The following GRM4 variants were observed in gnomAD, a reference collection of about 807,000 sequenced individuals.
The protein encoded by GRM4 is glutamate metabotropic receptor 4.
A neutral mutation model predicts 81.7 loss-of-function variants in GRM4; 28 were observed. That is an observed-to-expected ratio of 0.34 (90% confidence interval 0.25 to 0.47). The LOEUF is 0.47. GRM4 is among the 20% of genes least tolerant of loss of function. GRM4 has a pLI of 1.00. For missense variants in GRM4, 948 were observed against 1,290.0 expected (o/e 0.73, Z 4.06); for synonymous variants, 488 against 528.8 (o/e 0.92, Z 1.06).
chr6:34,070,796 A>ACC lies in GRM4; in HGVS notation c.737-8769_737-8768insGG, dbSNP rs1414963298. Among the ~76,000 whole-genome samples the ACC allele has an allele frequency of 1.2e-4, 14 of 115,070 alleles. No individual in the cohort carries two copies. Among genetic ancestry groups the ACC allele is most frequent in the Admixed American group, 1.1e-3 (14 of 12,202 alleles). 75.5% of individuals were successfully genotyped at this position (115,070 alleles called of 152,430 possible). On this transcript the variant is annotated intron_variant, in intron 3 of 10. Coordinates refer to ENST00000538487, the MANE Select transcript of GRM4 (RefSeq NM_000841.4). This position sits in a 1 kb window ranked among gnomAD's most constrained non-coding sequence, Gnocchi z 4.6. ...ACACCCCCGCCACACCCCCAGCCAC[A>ACC]CACACACACACACACACACACACGG...
chr6:34,139,519 C>T (rs886127726), intron 1 of GRM4, among the ~76,000 whole-genome samples: 1 of 152,180 alleles, frequency 6.6e-6, no homozygotes, highest in Non-Finnish European at 1.5e-5. Context: ...GGAAGCCTGC[C>T]CTGATTATTA....
chr6:34,047,006 C>T lies in GRM4; in HGVS notation c.1169-6258G>A, dbSNP rs746055602. On this transcript the variant is annotated intron_variant, in intron 6 of 10. Coordinates refer to ENST00000538487, the MANE Select transcript of GRM4 (RefSeq NM_000841.4). The surrounding 1 kb of genome is among the most constrained non-coding windows in gnomAD (Gnocchi z 4.5). ...ACCAAACAAACACACATGGCTCTGA[C>T]TCTTGGCTGGGCCATGGCCCAGCTA... is the stretch of plus-strand genomic sequence containing the variant. 3.9e-5 allele frequency among the ~76,000 whole-genome samples: 6 copies of T among 152,096 alleles called. No individual in the cohort carries two copies. Among genetic ancestry groups the T allele is most frequent in the African/African-American group, 9.7e-5 (4 of 41,394 alleles).
rs1770582030 is a variant in GRM4, at chr6:34,139,201, C to T, written c.-363-5342G>A. 2.0e-5 allele frequency among the ~76,000 whole-genome samples: 3 copies of T among 152,316 alleles called. No individual in the cohort carries two copies. The South Asian group carries it at 6.2e-4, about 32-fold the overall frequency. Reference sequence around the variant, plus strand: ...CCTCGACCAGGAAGCCTCCTGATGTCAGAAATCCCAGACCCCAATCCACAA... The same window carrying T: ...CCTCGACCAGGAAGCCTCCTGATGTTAGAAATCCCAGACCCCAATCCACAA... On this transcript the variant is annotated intron_variant, in intron 1 of 10. Coordinates refer to ENST00000538487, the MANE Select transcript of GRM4 (RefSeq NM_000841.4).
intron 6 of GRM4, among the ~76,000 whole-genome samples, chr6:34,044,671 G>GACACACAC (rs555808028): frequency 1.4e-5 from 1 of 72,332 alleles, no homozygotes; most frequent in African/African-American, 5.7e-5. Flanking sequence ...TATATACACA[G>GACACACAC]ACACACACAC....
At chr6:34,073,676 TCA>T (rs1767156446) in intron 3 of GRM4, among the ~76,000 whole-genome samples, 2 of 151,126 alleles carry the variant, frequency 1.3e-5, no homozygotes, top group Non-Finnish European at 3.0e-5. Flanking sequence ...CTGGTGGCTC[TCA>T]CACAGTCACC....
chr6:34,045,136 G>A (rs2127451470), intron 6 of GRM4, among the ~76,000 whole-genome samples: 1 of 152,208 alleles, frequency 6.6e-6, no homozygotes, highest in South Asian at 2.1e-4. Flanking sequence ...TCCCCTGGCG[G>A]GGTAGCGGGG....
intron 6 of GRM4, among the ~76,000 whole-genome samples, chr6:34,045,629 C>T (rs1243527507): frequency 6.6e-6 from 1 of 152,206 alleles, no homozygotes; most frequent in Non-Finnish European, 1.5e-5. Flanking sequence ...AGGCCCTGCC[C>T]CCATTGTCTG....
chr6:34,110,369 A>G (rs1211258747), intron 2 of GRM4, among the ~76,000 whole-genome samples: 1 of 149,846 alleles, frequency 6.7e-6, no homozygotes, highest in Non-Finnish European at 1.5e-5. Context: ...GTTGAAGGAA[A>G]GCCGTGGCCC....
intron 6 of GRM4, 149 bp downstream of exon 6, chr6:34,056,395 A>C: frequency 4.8e-5 from 29 of 603,456 alleles, no homozygotes; most frequent in East Asian, 6.5e-5. Flanking sequence ...CAGGCCTCCC[A>C]ACTCCACCCC....
rs1767454761 is a variant in GRM4, at chr6:34,078,978, C to T, written c.736+12905G>A. Among the ~76,000 whole-genome samples, 1 of 152,206 alleles carries T rather than the reference C, an allele frequency of 6.6e-6. No homozygotes were observed. Among genetic ancestry groups the T allele is most frequent in the African/African-American group, 2.4e-5 (1 of 41,456 alleles). On this transcript the variant is annotated intron_variant, in intron 3 of 10. Transcript: ENST00000538487. This position sits in a 1 kb window ranked among gnomAD's most constrained non-coding sequence, Gnocchi z 4.8. ...GAGAGGCCCAGGCGCACCCCCAGGT[C>T]TGAGGCCTCAGAGGCAGCCCCTCAC...
intron 10 of GRM4, among the ~76,000 whole-genome samples, chr6:34,027,779 C>T (rs1581581874): frequency 1.3e-5 from 2 of 152,208 alleles, no homozygotes; most frequent in African/African-American, 2.4e-5. Context: ...CCGGGGTCCC[C>T]GCTCACCCTC....
At position 34,115,154 on chromosome 6, in the gene GRM4, T is replaced by C. The variant is rs1050676903; in HGVS notation, c.519+17824A>G. Among the ~76,000 whole-genome samples the C allele has an allele frequency of 2.0e-5, 3 of 152,184 alleles. No homozygotes were observed. ...GTTGAGAGGTGGTCAGGGCCCTGCCTAAACGCCAACACGCTGCCTCTGGGC... is the reference window on the plus strand; with the variant it reads ...GTTGAGAGGTGGTCAGGGCCCTGCCCAAACGCCAACACGCTGCCTCTGGGC... On this transcript the variant is annotated intron_variant, in intron 2 of 10. Coordinates refer to ENST00000538487, the MANE Select transcript of GRM4 (RefSeq NM_000841.4). The surrounding 1 kb of genome is among the most constrained non-coding windows in gnomAD (Gnocchi z 4.1).
intron 9 of GRM4, 73 bp from the exon 10 acceptor site, chr6:34,028,439 C>G (rs2127436820): frequency 2.0e-6 from 3 of 1,501,998 alleles, no homozygotes; most frequent in African/African-American, 2.8e-5. Flanking sequence ...CAGTTCCCAC[C>G]CAGGGACCCA....
chr6:34,155,016 G>C, intron 1 of GRM4: 1 of 1,340,802 alleles, frequency 7.5e-7, no homozygotes, highest in Non-Finnish European at 1.0e-6. Flanking sequence ...GCCTCCCACA[G>C]TGCTGGGCAC....
intron 2 of GRM4, among the ~76,000 whole-genome samples, chr6:34,100,970 GC>G (rs1768804878): frequency 6.6e-6 from 1 of 152,208 alleles, no homozygotes; most frequent in African/African-American, 2.4e-5. Context: ...GCTATTTTAA[GC>G]CACGGAGCTT....
intron 9 of GRM4, among the ~76,000 whole-genome samples, chr6:34,030,334 G>A (rs1764351067): frequency 6.6e-6 from 1 of 152,206 alleles, no homozygotes; most frequent in Non-Finnish European, 1.5e-5. Flanking sequence ...GGAAATAGGG[G>A]TTGTGTCCCA....
chr6:34,072,120 CACAT>C (rs1766928773), intron 3 of GRM4, among the ~76,000 whole-genome samples: 3 of 152,108 alleles, frequency 2.0e-5, no homozygotes, highest in African/African-American at 7.2e-5. Context: ...ATACACACCA[CACAT>C]AGACACACAT....
At chr6:34,056,443 C>A (rs1037863943) in intron 6 of GRM4, 101 bp downstream of exon 6, 3 of 1,119,746 alleles carry the variant, frequency 2.7e-6, no homozygotes, top group South Asian at 1.5e-5. Flanking sequence ...CACGGCCGGC[C>A]GACGACAGAC....
chr6:34,040,020 G>A (rs373411535), intron 8 of GRM4, among the ~76,000 whole-genome samples, 158 bp downstream of exon 8: 18 of 152,332 alleles, frequency 1.2e-4, no homozygotes, highest in African/African-American at 3.6e-4. Context: ...CCTCAGAGCC[G>A]CTGAGGTCTG....
Sources: gnomAD v4.1 joint callset for allele counts (sites outside exome capture counted in the v4.1 genomes callset) on GRCh38, gnomAD v4.1.1 for gene constraint, Gnocchi (gnomAD v3.1) non-coding constraint, MANE v1.5 for transcripts, NCBI Gene and HGNC (gene_info 2026-07-23, HGNC 2026-07-21) for gene names.